CLASP1: variants seen among roughly 807,000 people sequenced by gnomAD.
CLASP1 encodes cytoplasmic linker associated protein 1.
CLASP1 carries 38 observed loss-of-function variants against 192.3 expected under a neutral mutation model. The observed-to-expected ratio is 0.20, with a 90% CI of 0.15 to 0.26. CLASP1 has a LOEUF of 0.26. Ranked by LOEUF, CLASP1 falls within the 10% of genes least tolerant of loss-of-function variation. The pLI is 1.00. For missense variants in CLASP1, 1,433 were observed against 1,932.5 expected, an observed-to-expected ratio of 0.74 and a Z score of 4.85; for synonymous variants, 691 against 712.8, an observed-to-expected ratio of 0.97 and a Z score of 0.49.
chr2:121,500,274 G>A (rs1287182613), intron 8 of CLASP1, among the ~76,000 whole-genome samples: 4 of 150,464 alleles, frequency 2.7e-5, no homozygotes, highest in Non-Finnish European at 5.9e-5. Context: ...CGAAGGAGGA[G>A]GAGGTGGGGG....
At chr2:121,462,796 T>C (rs1047701782) in intron 9 of CLASP1, among the ~76,000 whole-genome samples, 191 bp from the exon 10 acceptor site, 5 of 152,180 alleles carry the variant, frequency 3.3e-5, no homozygotes, top group African/African-American at 7.2e-5. Flanking sequence ...AGATGAAATA[T>C]AGTAATTCTA....
chr2:121,522,110 TTGTA>T (rs2104577632), intron 6 of CLASP1, among the ~76,000 whole-genome samples: 1 of 152,272 alleles, frequency 6.6e-6, no homozygotes, highest in East Asian at 1.9e-4. Context: ...CATGGATTGA[TTGTA>T]TGTCTGTGTA....
intron 23 of CLASP1, 77 bp from the exon 25 acceptor site, chr2:121,411,046 T>G: frequency 1.1e-6 from 1 of 878,180 alleles, no homozygotes; most frequent in Non-Finnish European, 1.7e-6. Flanking sequence ...CTACTGCCTC[T>G]TCCCACCAAG....
At chr2:121,527,673 G>T (rs565205518) in intron 5 of CLASP1, 126 bp downstream of exon 5, 23 of 684,708 alleles carry the variant, frequency 3.4e-5, no homozygotes, top group Non-Finnish European at 5.3e-5. Flanking sequence ...GGCAAGGGTG[G>T]GTAAAGGGGG....
intron 37 of CLASP1, among the ~76,000 whole-genome samples, chr2:121,356,563 C>T (rs929502725): frequency 1.3e-5 from 2 of 152,180 alleles, no homozygotes; most frequent in South Asian, 4.1e-4. Context: ...TTCTATGCCT[C>T]GGTTTTCCTC....
At chr2:121,638,233 G>T (rs557899369) in intron 1 of CLASP1, among the ~76,000 whole-genome samples, 1 of 151,768 alleles carries the variant, frequency 6.6e-6, no homozygotes, top group Non-Finnish European at 1.5e-5. Flanking sequence ...TAGTCATTAG[G>T]AAAATTAAAA....
chr2:121,549,644 A>T (rs1483694947), intron 2 of CLASP1, among the ~76,000 whole-genome samples: 1 of 150,126 alleles, frequency 6.7e-6, no homozygotes, highest in South Asian at 2.1e-4. Context: ...TATATGCTTC[A>T]GATCATCACA....
intron 19 of CLASP1, among the ~76,000 whole-genome samples, chr2:121,434,472 C>T (rs1327528078): frequency 6.6e-6 from 1 of 151,830 alleles, no homozygotes; most frequent in Non-Finnish European, 1.5e-5. Flanking sequence ...CACTATGTTG[C>T]CCAGGCTGGT....
chr2:121,457,594 T>A, intron 14 of CLASP1, 93 bp downstream of exon 14: 1 of 921,568 alleles, frequency 1.1e-6, no homozygotes, highest in East Asian at 2.4e-5. Context: ...ACTAAGCATG[T>A]TATACATGAA....
chr2:121,464,117 T>C (rs1467021424), intron 9 of CLASP1, among the ~76,000 whole-genome samples: 1 of 151,602 alleles, frequency 6.6e-6, no homozygotes, highest in Non-Finnish European at 1.5e-5. Context: ...GTTCTTGCGA[T>C]AGTTTACCGA....
intron 1 of CLASP1, 150 bp from the exon 2 acceptor site, chr2:121,606,330 T>A (rs1403868549): frequency 7.7e-6 from 2 of 260,364 alleles, no homozygotes; most frequent in Non-Finnish European, 1.4e-5. Flanking sequence ...TTGGCAACCA[T>A]ATCGAAATAA....
At chr2:121,619,672 A>G (rs1431583958) in intron 1 of CLASP1, among the ~76,000 whole-genome samples, 2 of 152,238 alleles carry the variant, frequency 1.3e-5, no homozygotes, top group Non-Finnish European at 2.9e-5. Context: ...AATAAAGTAA[A>G]TTTTAAAAAT....
At chr2:121,519,434 C>A (rs2094405818) in intron 6 of CLASP1, among the ~76,000 whole-genome samples, 1 of 152,202 alleles carries the variant, frequency 6.6e-6, no homozygotes, top group Non-Finnish European at 1.5e-5. Flanking sequence ...GATGGGCCAC[C>A]ACCACCCAGC....
At chr2:121,487,192 T>C (rs371448804) in intron 8 of CLASP1, among the ~76,000 whole-genome samples, 2 of 152,158 alleles carry the variant, frequency 1.3e-5, no homozygotes, top group African/African-American at 4.8e-5. Context: ...TCAGTGCTGC[T>C]TAGAACCACC....
chr2:121,606,438 T>C (rs2064424274), intron 1 of CLASP1, among the ~76,000 whole-genome samples: 1 of 152,202 alleles, frequency 6.6e-6, no homozygotes, highest in African/African-American at 2.4e-5. Flanking sequence ...TTTCCCAGCT[T>C]GTAAATGCAC....
chr2:121,479,072 A>C (rs2092369861), intron 8 of CLASP1, among the ~76,000 whole-genome samples: 1 of 118,254 alleles, frequency 8.5e-6, no homozygotes, highest in African/African-American at 3.3e-5. Context: ...ACACACACAC[A>C]CACCATCAAC....
intron 37 of CLASP1, among the ~76,000 whole-genome samples, chr2:121,352,167 G>A (rs1056945674): frequency 1.3e-5 from 2 of 152,230 alleles, no homozygotes; most frequent in African/African-American, 4.8e-5. Flanking sequence ...GGAGGAAGGA[G>A]CATGGATATG....
intron 2 of CLASP1, among the ~76,000 whole-genome samples, chr2:121,576,591 C>T (rs1243647003): frequency 1.3e-5 from 2 of 152,180 alleles, no homozygotes; most frequent in Admixed American, 1.3e-4. Flanking sequence ...TTCAGATTAG[C>T]TCTGTGCCCT....
At chr2:121,357,214 T>C (rs2065584763) in intron 37 of CLASP1, among the ~76,000 whole-genome samples, 1 of 152,252 alleles carries the variant, frequency 6.6e-6, no homozygotes, top group South Asian at 2.1e-4. Context: ...TAATAGCTTC[T>C]TCGGTGTATT....
Sources: allele counts gnomAD v4.1 joint callset (sites outside exome capture counted in the v4.1 genomes callset), GRCh38; gene constraint gnomAD v4.1.1; transcripts MANE v1.5; gene names NCBI Gene and HGNC (gene_info 2026-07-23, HGNC 2026-07-21).